Variants in DIAPH2 observed in about 807,000 individuals in gnomAD.
The protein encoded by DIAPH2 is protein diaphanous homolog 2.
In DIAPH2, 35 loss-of-function variants were observed where a neutral mutation model predicts 92.7. The ratio of observed to expected loss-of-function variants is 0.38; its 90% CI spans 0.29 to 0.50. The LOEUF (loss-of-function observed/expected upper bound fraction) is 0.50. Among genes scored for constraint, DIAPH2 ranks in the 20% least tolerant of loss-of-function variants. DIAPH2 has a pLI of 0.94. For synonymous variants in DIAPH2, 301 were observed against 280.4 expected (o/e 1.07, Z -0.73); for missense variants, 701 against 819.5 (o/e 0.86, Z 1.77).
At chrX:96,816,598 A>G (rs6523062) in intron 4 of DIAPH2, among the ~76,000 whole-genome samples, 11,460 of 111,819 alleles carry the variant, frequency 0.1, 540 homozygotes, top group East Asian at 0.32. Flanking sequence ...GATATGGAGA[A>G]AAGGGAACCC....
intron 17 of DIAPH2, among the ~76,000 whole-genome samples, chrX:97,061,414 AT>A (rs970931989): frequency 4.5e-5 from 5 of 111,738 alleles, no homozygotes; most frequent in African/African-American, 1.6e-4. Flanking sequence ...TTGAATAAAA[AT>A]TTTTTTCACT....
chrX:96,804,948 C>T (rs1197526736), intron 4 of DIAPH2, among the ~76,000 whole-genome samples: 1 of 110,371 alleles, frequency 9.1e-6, no homozygotes, highest in African/African-American at 3.3e-5. Flanking sequence ...ATGTGGAAGC[C>T]CTTAATCTCA....
chrX:97,376,828 G>A (rs1190468821), intron 24 of DIAPH2, among the ~76,000 whole-genome samples: 2 of 112,056 alleles, frequency 1.8e-5, no homozygotes, highest in Non-Finnish European at 3.8e-5. Flanking sequence ...TACGGTATAC[G>A]TAAGCCTGTT....
chrX:97,298,835 G>A (rs1188389303), intron 23 of DIAPH2, among the ~76,000 whole-genome samples: 1 of 109,912 alleles, frequency 9.1e-6, no homozygotes, highest in Non-Finnish European at 1.9e-5. Flanking sequence ...AGCCTGAATC[G>A]TCTCGATCTA....
intron 22 of DIAPH2, among the ~76,000 whole-genome samples, chrX:97,206,869 C>A (rs751066145): frequency 1.8e-5 from 2 of 111,613 alleles, no homozygotes; most frequent in South Asian, 7.6e-4. Context: ...TAAAAGCATC[C>A]TTTCCAGTAA....
At chrX:97,576,299 T>C (rs1328466157) in intron 26 of DIAPH2, among the ~76,000 whole-genome samples, 2 of 111,708 alleles carry the variant, frequency 1.8e-5, no homozygotes, top group African/African-American at 6.5e-5. Flanking sequence ...TTCCAACTTG[T>C]CCCAGACTGT....
chrX:97,397,699 A>G (rs2069717813), intron 25 of DIAPH2, among the ~76,000 whole-genome samples: 1 of 111,564 alleles, frequency 9.0e-6, no homozygotes, highest in Non-Finnish European at 1.9e-5. Context: ...CCCTACCCCA[A>G]TTTTTTAGCT....
intron 24 of DIAPH2, among the ~76,000 whole-genome samples, chrX:97,375,796 C>A (rs1437980229): frequency 9.0e-6 from 1 of 111,100 alleles, no homozygotes; most frequent in Non-Finnish European, 1.9e-5. Flanking sequence ...TTCCACCTTT[C>A]ATCCTATCTC....
intron 5 of DIAPH2, among the ~76,000 whole-genome samples, chrX:96,889,722 A>G (rs189314490): frequency 9.0e-6 from 1 of 111,663 alleles, no homozygotes. Flanking sequence ...AGATGTTGCT[A>G]TTTTATATTA....
intron 5 of DIAPH2, among the ~76,000 whole-genome samples, chrX:96,904,441 C>T (rs771633651): frequency 2.2e-3 from 242 of 111,862 alleles, no homozygotes; most frequent in Admixed American, 3.4e-3. Flanking sequence ...GTAGAGAAAC[C>T]TGAGTGGACG....
intron 4 of DIAPH2, among the ~76,000 whole-genome samples, chrX:96,775,451 A>G (rs2064371348): frequency 9.4e-6 from 1 of 106,097 alleles, no homozygotes; most frequent in Non-Finnish European, 1.9e-5. Context: ...TTTTTTTGTT[A>G]TACAGATGTG....
chrX:96,758,361 A>T, intron 4 of DIAPH2, 103 bp downstream of exon 4: 1 of 524,413 alleles, frequency 1.9e-6, no homozygotes, highest in Non-Finnish European at 2.9e-6. Flanking sequence ...ACCTCATTGT[A>T]CTCATATAGA....
chrX:97,180,622 GTTT>G (rs988199598), intron 22 of DIAPH2, among the ~76,000 whole-genome samples: 1 of 111,745 alleles, frequency 8.9e-6, no homozygotes, highest in Admixed American at 9.6e-5. Context: ...TTCTTCTAGG[GTTT>G]TTATGGTTTT....
intron 26 of DIAPH2, among the ~76,000 whole-genome samples, chrX:97,535,330 A>G (rs953070708): frequency 3.6e-5 from 4 of 112,502 alleles, no homozygotes; most frequent in African/African-American, 1.3e-4. Context: ...TTATTCTAAA[A>G]TAAAATTTTA....
chrX:97,236,713 T>C (rs1439496692), intron 22 of DIAPH2, among the ~76,000 whole-genome samples: 1 of 108,938 alleles, frequency 9.2e-6, no homozygotes, highest in Non-Finnish European at 1.9e-5. Flanking sequence ...CCCGGCTAAT[T>C]TTTTGTATTT....
At chrX:97,398,476 G>A (rs184245674) in intron 25 of DIAPH2, among the ~76,000 whole-genome samples, 3 of 111,019 alleles carry the variant, frequency 2.7e-5, no homozygotes, top group African/African-American at 6.5e-5. Flanking sequence ...TTTCAACTGA[G>A]TAACCCTGAC....
At chrX:97,331,131 T>A (rs1054606873) in intron 23 of DIAPH2, among the ~76,000 whole-genome samples, 1 of 111,583 alleles carries the variant, frequency 9.0e-6, no homozygotes, top group African/African-American at 3.2e-5. Context: ...TATATCCATG[T>A]CACAAACTGA....
At chrX:97,203,754 C>T (rs752887760) in intron 22 of DIAPH2, among the ~76,000 whole-genome samples, 60 of 111,387 alleles carry the variant, frequency 5.4e-4, no homozygotes, top group African/African-American at 1.7e-3. Flanking sequence ...AAAGAGGAGC[C>T]GGTACCATTC....
At chrX:97,204,776 C>T (rs1185555352) in intron 22 of DIAPH2, among the ~76,000 whole-genome samples, 2 of 111,399 alleles carry the variant, frequency 1.8e-5, no homozygotes, top group Admixed American at 1.9e-4. Context: ...AGTGCTATTC[C>T]CATCAAGCTA....
Sources: gnomAD v4.1 joint callset for allele counts (sites outside exome capture counted in the v4.1 genomes callset) on GRCh38, gnomAD v4.1.1 for gene constraint, MANE v1.5 for transcripts, NCBI Gene and HGNC (gene_info 2026-07-23, HGNC 2026-07-21) for gene names.